Variants in CASP5 observed in about 807,000 individuals in gnomAD.
The protein encoded by CASP5 is caspase-5.
CASP5 carries 42 observed loss-of-function variants against 45.2 expected under a neutral mutation model. The observed-to-expected ratio is 0.93, with a 90% CI of 0.73 to 1.20. The LOEUF (loss-of-function observed/expected upper bound fraction) is 1.20. Among genes scored for constraint, CASP5 ranks in the 50% most tolerant of loss-of-function variants. The probability of loss-of-function intolerance (pLI) is 0.00; values close to 1 mark genes in which losing one functional copy is unlikely to be tolerated. For missense variants in CASP5, 512 were observed against 532.2 expected, an observed-to-expected ratio of 0.96 and a Z score of 0.37; for synonymous variants, 209 against 186.2, an observed-to-expected ratio of 1.12 and a Z score of -1.00.
intron 1 of CASP5, among the ~76,000 whole-genome samples, chr11:105,022,313 T>C (rs1005062011): frequency 2.0e-5 from 3 of 151,488 alleles, no homozygotes; most frequent in African/African-American, 7.3e-5. Context: ...AGTATAATAA[T>C]AATAAATAAA....
At chr11:105,022,367 A>G (rs1020729260) in intron 1 of CASP5, among the ~76,000 whole-genome samples, 8 of 152,208 alleles carry the variant, frequency 5.3e-5, no homozygotes, top group East Asian at 3.9e-4. Flanking sequence ...CATATATGTT[A>G]TAAGGTTTAG....
chr11:105,016,927 C>G (rs967527892), intron 1 of CASP5, among the ~76,000 whole-genome samples: 4 of 151,616 alleles, frequency 2.6e-5, no homozygotes, highest in Admixed American at 2.0e-4. Flanking sequence ...TTGAAGAGAG[C>G]AGTGGTTCTC....
intron 1 of CASP5, among the ~76,000 whole-genome samples, chr11:105,019,611 A>C (rs1411335244): frequency 2.0e-5 from 3 of 148,908 alleles, no homozygotes; most frequent in African/African-American, 7.3e-5. Flanking sequence ...ACCAGGAAGA[A>C]GTTGAATCTC....
chr11:105,002,421 C>T (rs1030145836), intron 4 of CASP5, among the ~76,000 whole-genome samples: 7 of 152,116 alleles, frequency 4.6e-5, no homozygotes, highest in African/African-American at 1.7e-4. Flanking sequence ...TAATTCCTAC[C>T]CCCTTCCTTC....
chr11:104,999,078 A>G (rs762979012), intron 6 of CASP5, 50 bp from the exon 7 acceptor site: 4 of 1,503,278 alleles, frequency 2.7e-6, no homozygotes, highest in Admixed American at 2.1e-5. Context: ...TAAGTTCCAG[A>G]ATAGAAATGC....
At position 105,000,399 on chromosome 11, in the gene CASP5, C is replaced by T; in HGVS notation, c.814G>A (p.Gly272Arg). ...LVLMSHGILEGICGTAHKKKK... is the reference protein window; with the variant it reads ...LVLMSHGILERICGTAHKKKK... ...TTTTTATGCGCAGTTCCGCAGATTC[C>T]CTCTAGGATGCCATGAGACATGAGT... The change falls in exon 6 of 10, where the codon GGA (glycine) becomes AGA (arginine). Residue 272 changes from glycine to arginine, a missense_variant. Transcript: ENST00000260315. 1 of 1,614,172 alleles carries T rather than the reference C, an allele frequency of 6.2e-7. No individual in the cohort carries two copies.
intron 1 of CASP5, among the ~76,000 whole-genome samples, chr11:105,014,005 C>T (rs1862471149): frequency 2.0e-5 from 3 of 152,124 alleles, no homozygotes; most frequent in Admixed American, 2.0e-4. Flanking sequence ...CAGGCCAACA[C>T]CCTTTCTTTC....
In CASP5 at chr11:104,999,002, C is replaced by G; in HGVS notation, c.979G>C (p.Asp327His). 4 of 1,609,104 alleles carry G rather than the reference C, an allele frequency of 2.5e-6. No homozygotes were observed. The highest frequency in any genetic ancestry group is 3.4e-6 in the Non-Finnish European group (4 of 1,178,490). Residue 327 changes from aspartate to histidine, a missense_variant, in exon 7 of 10, where the codon GAC (aspartate) becomes CAC (histidine). By Grantham distance (81) the Asp-to-His change is moderately conservative (BLOSUM62 -1). Transcript: ENST00000260315. ...ATGAGTGCCAAGGATGCTGGAGAGTCTCTGACCCAGAGTTCCCCATGTTTT... is the reference window on the plus strand; with the variant it reads ...ATGAGTGCCAAGGATGCTGGAGAGTGTCTGACCCAGAGTTCCCCATGTTTT... Reference protein sequence around the residue: ...GEKHGELWVRDSPASLALISS... With the variant: ...GEKHGELWVRHSPASLALISS...
intron 3 of CASP5, 129 bp downstream of exon 3, chr11:105,006,954 G>T: frequency 1.2e-6 from 1 of 838,482 alleles, no homozygotes; most frequent in Non-Finnish European, 1.9e-6. Context: ...ACAGGATGAT[G>T]ACATGTTTAC....
At chr11:105,021,351 C>T (rs973583500) in intron 1 of CASP5, among the ~76,000 whole-genome samples, 1 of 145,402 alleles carries the variant, frequency 6.9e-6, no homozygotes, top group African/African-American at 2.5e-5. Flanking sequence ...GCAAAAGAAA[C>T]TACCGTCAGA....
intron 4 of CASP5, 108 bp downstream of exon 4, chr11:105,003,166 C>T: frequency 1.3e-6 from 1 of 748,706 alleles, no homozygotes; most frequent in Non-Finnish European, 2.3e-6. Context: ...CACCACAGCA[C>T]TCCAGGCTGG....
intron 1 of CASP5, among the ~76,000 whole-genome samples, chr11:105,010,308 C>T (rs974104617): frequency 2.7e-5 from 4 of 146,024 alleles, no homozygotes; most frequent in Non-Finnish European, 6.0e-5. Context: ...AAAATGAATT[C>T]ACATAAAGCA....
rs1443517610 is a variant in CASP5, at chr11:105,023,115, A to T, written c.7+15T>A. ...TGAGTACCCAGCTGCTAGTCAGAAA[A>T]GGGCCCAGACTCACCAGCCATAGCT... On this transcript the variant is annotated intron_variant, in intron 1 of 9. Transcript: ENST00000260315. The T allele has an allele frequency of 5.2e-6, 8 of 1,550,566 alleles. No individual in the cohort carries two copies. The South Asian group carries it at 8.3e-5, about 16-fold the overall frequency.
Position 105,002,174 on chromosome 11 carries a change from G to A in CASP5, c.571C>T (p.Arg191Cys), listed in dbSNP as rs754094699. 221 of 1,613,852 alleles carry A rather than the reference G, an allele frequency of 1.4e-4. No homozygotes were observed. The highest frequency in any genetic ancestry group is 1.8e-4 in the Non-Finnish European group (215 of 1,179,960). The change falls in exon 5 of 10, where the codon CGC becomes TGC. Residue 191 changes from arginine (R) to cysteine (C), a missense_variant. By Grantham distance (180) the Arg-to-Cys change is radical. Transcript: ENST00000260315. ...EIYPIKKRED[R>C]RRLALIICNT... ...CATATGATGAGAGCCAGGCGTCTGC[G>A]GTCCTCTCTCTTTTTTATTGGATAG... is the stretch of plus-strand genomic sequence containing the variant.
chr11:105,020,667 C>G (rs1204796330), intron 1 of CASP5, among the ~76,000 whole-genome samples: 5 of 151,782 alleles, frequency 3.3e-5, no homozygotes, highest in Admixed American at 6.6e-5. Context: ...AGGGTACAAA[C>G]AAATGGAAGA....
chr11:104,999,091 A>C, intron 6 of CASP5, 63 bp from the exon 7 acceptor site: 1 of 1,437,796 alleles, frequency 7.0e-7, no homozygotes, highest in Middle Eastern at 1.8e-4. Flanking sequence ...AGAAATGCAG[A>C]ACGTGTAGGT....
At chr11:105,019,748 T>C (rs1227456972) in intron 1 of CASP5, among the ~76,000 whole-genome samples, 1 of 144,774 alleles carries the variant, frequency 6.9e-6, no homozygotes, top group African/African-American at 2.5e-5. Flanking sequence ...CTGGTACCAT[T>C]CCTTCTGAAA....
Position 104,998,901 on chromosome 11 carries a change from G to T in CASP5, c.1080C>A (p.Phe360Leu), listed in dbSNP as rs1202308792. ...KIHEEKDFIA[F>L]CSSTPHNVSW... ...GACACATACGTGGTGTTGAAGAACAGAAAGCAATGAAGTCCTTCTCCTCGT... is the reference window on the plus strand; with the variant it reads ...GACACATACGTGGTGTTGAAGAACATAAAGCAATGAAGTCCTTCTCCTCGT... Residue 360 changes from phenylalanine (F) to leucine (L), a missense_variant, in exon 7 of 10, where the codon TTC becomes TTA. Physicochemically the swap from Phe to Leu is conservative, Grantham distance 22. Transcript: ENST00000260315. 6.2e-7 allele frequency: 1 copy of T among 1,613,446 alleles called. No individual in the cohort carries two copies. Among genetic ancestry groups the T allele is most frequent in the Non-Finnish European group, 8.5e-7 (1 of 1,179,786 alleles).
chr11:105,007,834 A>T (rs1862085085), intron 2 of CASP5, among the ~76,000 whole-genome samples: 1 of 152,166 alleles, frequency 6.6e-6, no homozygotes. Flanking sequence ...CTTTGTGCTC[A>T]TTAACATCTT....
Sources: allele counts gnomAD v4.1 joint callset (sites outside exome capture counted in the v4.1 genomes callset), GRCh38; gene constraint gnomAD v4.1.1; transcripts MANE v1.5; gene names NCBI Gene and HGNC (gene_info 2026-07-23, HGNC 2026-07-21).